METTL24: variants seen among roughly 807,000 people sequenced by gnomAD.
METTL24 encodes methyltransferase like 24, also known as probable methyltransferase-like protein 24.
A neutral mutation model predicts 32.7 loss-of-function variants in METTL24; 29 were observed. That is an observed-to-expected ratio of 0.89 (90% CI 0.66 to 1.21). The LOEUF is 1.21. METTL24 is among the 50% of genes most tolerant of loss of function. The pLI, the probability that METTL24 is intolerant of heterozygous loss-of-function variation, is 0.00. For missense variants in METTL24, 439 were observed against 468.1 expected, an observed-to-expected ratio of 0.94 and a Z score of 0.57; for synonymous variants, 163 against 179.5, an observed-to-expected ratio of 0.91 and a Z score of 0.73.
At chr6:110,269,650 G>C (rs1206956994) in intron 4 of METTL24, among the ~76,000 whole-genome samples, 1 of 152,050 alleles carries the variant, frequency 6.6e-6, no homozygotes, top group Non-Finnish European at 1.5e-5. Flanking sequence ...TTTTTTGTTT[G>C]TTTGTTTGTT....
At chr6:110,299,266 T>C in intron 3 of METTL24, 116 bp from the exon 4 acceptor site, 2 of 841,436 alleles carry the variant, frequency 2.4e-6, no homozygotes, top group Non-Finnish European at 3.8e-6. Flanking sequence ...CTTCTCCTGT[T>C]TTAACCCATG....
At chr6:110,346,504 C>CTTTTTT (rs3068847) in intron 1 of METTL24, among the ~76,000 whole-genome samples, 14 of 133,970 alleles carry the variant, frequency 1.0e-4, no homozygotes, top group African/African-American at 4.0e-4. Context: ...CTCTCTCTCT[C>CTTTTTT]TTTTTTTTTT....
chr6:110,305,140 C>A (rs550474655), intron 3 of METTL24, among the ~76,000 whole-genome samples: 1 of 152,154 alleles, frequency 6.6e-6, no homozygotes, highest in Non-Finnish European at 1.5e-5. Context: ...GCCTGCCCTA[C>A]AAGAGCTCCT....
chr6:110,355,982 G>C (rs890515273), intron 1 of METTL24, among the ~76,000 whole-genome samples: 1 of 152,182 alleles, frequency 6.6e-6, no homozygotes, highest in Non-Finnish European at 1.5e-5. Context: ...CAGTACTGTC[G>C]TTTGAGGTAC....
In METTL24 at chr6:110,358,255, C is replaced by T; in HGVS notation, c.18G>A (p.Pro6=). The change falls in exon 1 of 5, where the codon CCG becomes CCA. Residue 6 remains proline, a synonymous_variant. Coordinates refer to ENST00000338882, the MANE Select transcript of METTL24 (RefSeq NM_001123364.3). ...GCAGGACGCCGCAGCCCCTCCCGGGCGGCCTCTCCCGGGCCATGGCGCTAC... is the reference window on the plus strand; with the variant it reads ...GCAGGACGCCGCAGCCCCTCCCGGGTGGCCTCTCCCGGGCCATGGCGCTAC... The part of the protein sequence containing the change: MARER[P]PGRGCGVLRR... 1 of 1,480,368 alleles carries T rather than the reference C, an allele frequency of 6.8e-7. No individual in the cohort carries two copies. Among genetic ancestry groups the T allele is most frequent in the Non-Finnish European group, 8.9e-7 (1 of 1,122,312 alleles). The allele number at this position is 1,480,368 out of a possible 1,614,324, so 91.7% of individuals were successfully genotyped here. A position where few individuals can be genotyped will look rare whatever the true frequency, so the allele number is the denominator to read the frequency against.
chr6:110,351,455 T>A (rs1222690487), intron 1 of METTL24, among the ~76,000 whole-genome samples: 1 of 152,148 alleles, frequency 6.6e-6, no homozygotes, highest in African/African-American at 2.4e-5. Flanking sequence ...GACATATGTA[T>A]ATTCACACAC....
rs1490989752 is a variant in METTL24 at position 110,312,650 on chromosome 6, T to A, written c.557+2692A>T. Among the ~76,000 whole-genome samples, 5 of 152,252 alleles carry A rather than the reference T, an allele frequency of 3.3e-5. No individual in the cohort carries two copies. The East Asian group carries it at 7.7e-4, about 24-fold the overall frequency. ...TCATATGCTGGAGCTAAAAAGTTGATCTCATGGAGGTAGAGAGAGTAGAAT... is the reference window on the plus strand; with the variant it reads ...TCATATGCTGGAGCTAAAAAGTTGAACTCATGGAGGTAGAGAGAGTAGAAT... On this transcript the variant is annotated intron_variant, in intron 3 of 4. Coordinates refer to ENST00000338882, the MANE Select transcript of METTL24 (RefSeq NM_001123364.3).
At chr6:110,324,684 G>C (rs933202300) in intron 1 of METTL24, among the ~76,000 whole-genome samples, 1 of 152,190 alleles carries the variant, frequency 6.6e-6, no homozygotes, top group African/African-American at 2.4e-5. Context: ...TTCTTGTTCT[G>C]TGCAGGCTGA....
intron 4 of METTL24, among the ~76,000 whole-genome samples, chr6:110,292,766 A>G (rs1206314080): frequency 1.3e-5 from 2 of 151,896 alleles, no homozygotes; most frequent in African/African-American, 4.8e-5. Flanking sequence ...CTTTAAAAAA[A>G]CTTTATTGGT....
At chr6:110,310,978 G>C (rs1777790246) in intron 3 of METTL24, among the ~76,000 whole-genome samples, 1 of 152,186 alleles carries the variant, frequency 6.6e-6, no homozygotes, top group Non-Finnish European at 1.5e-5. Context: ...TCTTGTTGCT[G>C]CTGTGGCCCT....
At chr6:110,319,998 C>G (rs1388254483) in intron 2 of METTL24, among the ~76,000 whole-genome samples, 1 of 152,116 alleles carries the variant, frequency 6.6e-6, no homozygotes, top group Non-Finnish European at 1.5e-5. Flanking sequence ...TACCTATTTA[C>G]CAGTGTGGAG....
intron 4 of METTL24, among the ~76,000 whole-genome samples, chr6:110,272,185 C>T (rs926959336): frequency 3.9e-5 from 6 of 152,150 alleles, no homozygotes; most frequent in African/African-American, 1.4e-4. Context: ...TTTGCATCCT[C>T]ATAGCTTAGC....
rs1771371919 is a variant in METTL24, at chr6:110,294,265, T to G, written c.786+4657A>C. 2.0e-5 allele frequency among the ~76,000 whole-genome samples: 3 copies of G among 152,056 alleles called. No individual in the cohort carries two copies. In the South Asian group the frequency reaches 6.2e-4, roughly 31 times the overall value. ...TCATTATATTCCAGCAACATTGGCATTTGAAATTTTTTGAAAATAAAAATA... is the reference window on the plus strand; with the variant it reads ...TCATTATATTCCAGCAACATTGGCAGTTGAAATTTTTTGAAAATAAAAATA... On this transcript the variant is annotated intron_variant, in intron 4 of 4. Coordinates refer to ENST00000338882, the MANE Select transcript of METTL24 (RefSeq NM_001123364.3).
In METTL24 at chr6:110,262,614, T is replaced by C. The variant is rs550425227; in HGVS notation, c.787-16354A>G. Among the ~76,000 whole-genome samples, 20 of 152,272 alleles carry C rather than the reference T, an allele frequency of 1.3e-4. 1 individual carries two copies. In the South Asian group the frequency reaches 2.1e-3, roughly 16 times the overall value. ...AAAGAGGGAATCCTCCCTAACTCATTTTATGAGGCCAGCATCATCCTGATA... is the reference window on the plus strand; with the variant it reads ...AAAGAGGGAATCCTCCCTAACTCATCTTATGAGGCCAGCATCATCCTGATA... On this transcript the variant is annotated intron_variant, in intron 4 of 4. Coordinates refer to ENST00000338882, the MANE Select transcript of METTL24 (RefSeq NM_001123364.3).
At chr6:110,337,924 T>C (rs913320454) in intron 1 of METTL24, among the ~76,000 whole-genome samples, 2 of 152,228 alleles carry the variant, frequency 1.3e-5, no homozygotes, top group African/African-American at 4.8e-5. Flanking sequence ...CTGTTTCAAG[T>C]GTGTCAATCT....
chr6:110,333,299 G>A lies in METTL24; in HGVS notation c.319-10427C>T, dbSNP rs1772142850. Among the ~76,000 whole-genome samples the A allele has an allele frequency of 2.0e-5, 3 of 152,156 alleles. No individual in the cohort carries two copies. In the South Asian group the frequency reaches 6.2e-4, roughly 32 times the overall value. ...TTGCTATTAAAACCAAAGGGAAATG[G>A]GGGTTGGCAGAGGGTGGGGAGGACA... On this transcript the variant is annotated intron_variant, in intron 1 of 4. Transcript: ENST00000338882.
chr6:110,340,056 G>A (rs901710152), intron 1 of METTL24, among the ~76,000 whole-genome samples: 8 of 152,174 alleles, frequency 5.3e-5, no homozygotes, highest in African/African-American at 1.9e-4. Flanking sequence ...GCATAGAACA[G>A]GCACTTATTT....
At chr6:110,296,723 C>T (rs1302901607) in intron 4 of METTL24, among the ~76,000 whole-genome samples, 2 of 152,100 alleles carry the variant, frequency 1.3e-5, no homozygotes, top group African/African-American at 2.4e-5. Flanking sequence ...CAGCTAAAAA[C>T]GCTTTGGTTT....
intron 4 of METTL24, among the ~76,000 whole-genome samples, chr6:110,279,590 T>A (rs1297078792): frequency 2.6e-5 from 4 of 152,214 alleles, no homozygotes; most frequent in Admixed American, 6.5e-5. Context: ...CTCATTAGAA[T>A]ACAAGTAGGC....
Sources: allele counts gnomAD v4.1 joint callset (sites outside exome capture counted in the v4.1 genomes callset), GRCh38; gene constraint gnomAD v4.1.1; transcripts MANE v1.5; gene names NCBI Gene and HGNC (gene_info 2026-07-23, HGNC 2026-07-21).